UTRN: variants seen among roughly 807,000 people sequenced by gnomAD.
UTRN encodes the protein utrophin.
Under a neutral mutation model 463.9 loss-of-function variants are expected in UTRN, and 283 were observed. That is an observed-to-expected ratio of 0.61 (90% CI 0.55 to 0.67). The LOEUF is 0.67. Among genes scored for constraint, UTRN ranks in the 30% least tolerant of loss-of-function variants. The pLI is 0.00. For missense variants in UTRN, 3,922 were observed against 4,084.3 expected, an observed-to-expected ratio of 0.96 and a Z score of 1.08; for synonymous variants, 1,442 against 1,431.5, an observed-to-expected ratio of 1.01 and a Z score of -0.17.
At chr6:144,668,500 C>A (rs1780657720) in intron 51 of UTRN, among the ~76,000 whole-genome samples, 1 of 152,148 alleles carries the variant, frequency 6.6e-6, no homozygotes, top group Non-Finnish European at 1.5e-5. Flanking sequence ...GCTGTTATAA[C>A]AAAATGCCAT....
At chr6:144,301,128 G>A (rs1805207907) in intron 2 of UTRN, among the ~76,000 whole-genome samples, 1 of 151,430 alleles carries the variant, frequency 6.6e-6, no homozygotes, top group African/African-American at 2.4e-5. Context: ...GTTCCTTTAG[G>A]TGATTAGAAA....
chr6:144,471,320 T>C (rs2128567813), intron 23 of UTRN, among the ~76,000 whole-genome samples: 1 of 152,286 alleles, frequency 6.6e-6, no homozygotes, highest in East Asian at 1.9e-4. Flanking sequence ...CCAATTGTGG[T>C]TAAAACTTCC....
At chr6:144,445,371 C>CAAAAAAAAAA (rs1440149097) in intron 14 of UTRN, among the ~76,000 whole-genome samples, 5 of 102,396 alleles carry the variant, frequency 4.9e-5, no homozygotes, top group East Asian at 6.5e-4. Flanking sequence ...AAAAAAAAAG[C>CAAAAAAAAAA]AAATACTCTA....
chr6:144,679,790 A>G (rs1782024591), intron 52 of UTRN, among the ~76,000 whole-genome samples: 1 of 152,048 alleles, frequency 6.6e-6, no homozygotes, highest in African/African-American at 2.4e-5. Context: ...TTTTTTTCTA[A>G]GATGTATTGA....
intron 52 of UTRN, among the ~76,000 whole-genome samples, chr6:144,693,497 A>C (rs540080964): frequency 6.6e-6 from 1 of 152,300 alleles, no homozygotes; most frequent in Non-Finnish European, 1.5e-5. Context: ...GGTCATTTTA[A>C]TGATATTGAT....
At chr6:144,690,395 C>T (rs1423303215) in intron 52 of UTRN, among the ~76,000 whole-genome samples, 1 of 151,958 alleles carries the variant, frequency 6.6e-6, no homozygotes, top group Non-Finnish European at 1.5e-5. Flanking sequence ...CTGCAGCATT[C>T]CACTAACAGC....
intron 65 of UTRN, among the ~76,000 whole-genome samples, chr6:144,812,226 G>A (rs2128750362): frequency 6.6e-6 from 1 of 152,160 alleles, no homozygotes. Context: ...CGGGATTTAG[G>A]TTATTTGGTA....
intron 2 of UTRN, among the ~76,000 whole-genome samples, chr6:144,385,456 T>TTA (rs1781328348): frequency 6.6e-6 from 1 of 152,308 alleles, no homozygotes; most frequent in Admixed American, 6.5e-5. Flanking sequence ...AGCTATAAGC[T>TTA]TATTTCAGAA....
At chr6:144,501,825 G>T (rs1350744438) in intron 34 of UTRN, among the ~76,000 whole-genome samples, 1 of 152,096 alleles carries the variant, frequency 6.6e-6, no homozygotes, top group Non-Finnish European at 1.5e-5. Flanking sequence ...TTATGCAATT[G>T]TTCTTCAGAA....
intron 23 of UTRN, among the ~76,000 whole-genome samples, chr6:144,469,350 A>G (rs943444292): frequency 3.5e-4 from 54 of 152,296 alleles, no homozygotes; most frequent in African/African-American, 1.3e-3. Flanking sequence ...TGTAGATCTT[A>G]GTATAATAAT....
intron 33 of UTRN, among the ~76,000 whole-genome samples, chr6:144,495,658 C>T (rs957102317): frequency 2.0e-5 from 3 of 152,150 alleles, no homozygotes; most frequent in African/African-American, 4.8e-5. Flanking sequence ...GAGGAGGCGC[C>T]GAGAGCGAGC....
At chr6:144,537,788 G>T in intron 44 of UTRN, 71 bp downstream of exon 44, 1 of 1,521,836 alleles carries the variant, frequency 6.6e-7, no homozygotes, top group Non-Finnish European at 8.8e-7. Context: ...CATACTGCGT[G>T]TCTCAAGAAG....
Position 144,807,648 on chromosome 6 carries a change from T to G in UTRN, c.9357+4501T>G, listed in dbSNP as rs935677389. Among the ~76,000 whole-genome samples, 5 of 152,226 alleles carry G rather than the reference T, an allele frequency of 3.3e-5. No homozygotes were observed. The East Asian group carries it at 9.7e-4, about 29-fold the overall frequency. On this transcript the variant is annotated intron_variant, in intron 65 of 74. Transcript: ENST00000367545. ...AAAACAGCTCAACTCCCACTTTGTG[T>G]GTGAAATCTCTCCCAGCTCCTCCAG...
At chr6:144,385,234 T>A (rs1001278459) in intron 2 of UTRN, among the ~76,000 whole-genome samples, 3 of 152,192 alleles carry the variant, frequency 2.0e-5, no homozygotes, top group African/African-American at 7.2e-5. Context: ...ACAGAGAACG[T>A]TATCCTTCCT....
At chr6:144,444,175 T>A (rs1584808034) in intron 13 of UTRN, 106 bp from the exon 14 acceptor site, 1 of 884,526 alleles carries the variant, frequency 1.1e-6, no homozygotes, top group East Asian at 3.2e-5. Context: ...TTTTTATAAG[T>A]TGTTATTCTA....
At chr6:144,530,672 C>T (rs1796964186) in intron 41 of UTRN, among the ~76,000 whole-genome samples, 1 of 152,032 alleles carries the variant, frequency 6.6e-6, no homozygotes, top group African/African-American at 2.4e-5. Context: ...ACTAATCGAT[C>T]CTGATTTTTC....
At chr6:144,451,335 A>G (rs764714657) in intron 17 of UTRN, 35 bp from the exon 18 acceptor site, 9 of 1,592,558 alleles carry the variant, frequency 5.7e-6, no homozygotes, top group Middle Eastern at 1.7e-4. Flanking sequence ...GTAGAAGGAA[A>G]CATGACAAAT....
chr6:144,417,207 C>T (rs1584698068), intron 3 of UTRN, among the ~76,000 whole-genome samples: 1 of 152,218 alleles, frequency 6.6e-6, no homozygotes, highest in East Asian at 1.9e-4. Context: ...TATATCCCAC[C>T]CACTCCAGTG....
At chr6:144,658,893 A>C (rs543862657) in intron 51 of UTRN, among the ~76,000 whole-genome samples, 108 of 152,370 alleles carry the variant, frequency 7.1e-4, no homozygotes, top group Non-Finnish European at 1.4e-3. Context: ...ATTTAACATC[A>C]AAATGGAAGA....
Sources: gnomAD v4.1 joint callset for allele counts (sites outside exome capture counted in the v4.1 genomes callset) on GRCh38, gnomAD v4.1.1 for gene constraint, MANE v1.5 for transcripts, NCBI Gene and HGNC (gene_info 2026-07-23, HGNC 2026-07-21) for gene names.